NPEPPS: variants seen among roughly 807,000 people sequenced by gnomAD.
NPEPPS encodes the protein aminopeptidase puromycin sensitive.
NPEPPS carries 14 observed loss-of-function variants against 115.5 expected under a neutral mutation model. The observed-to-expected ratio is 0.12, with a 90% CI of 0.08 to 0.19. NPEPPS has a LOEUF of 0.19. Among genes scored for constraint, NPEPPS ranks in the 10% least tolerant of loss-of-function variants. The pLI is 1.00. For missense variants in NPEPPS, 523 were observed against 1,110.8 expected (o/e 0.47, Z 7.52); for synonymous variants, 285 against 390.6 (o/e 0.73, Z 3.19).
chr17:47,577,620 A>T (rs1911597066), intron 3 of NPEPPS, among the ~76,000 whole-genome samples: 1 of 152,210 alleles, frequency 6.6e-6, no homozygotes, highest in Non-Finnish European at 1.5e-5. Context: ...ATTTACAAAC[A>T]TCTGATTTTT....
chr17:47,596,198 G>A (rs1003299220), intron 12 of NPEPPS, 155 bp from the exon 13 acceptor site: 18 of 529,796 alleles, frequency 3.4e-5, no homozygotes, highest in Non-Finnish European at 5.8e-5. Flanking sequence ...TTGCAGAAGA[G>A]GGGTGGCAAG....
chr17:47,573,098 C>T (rs796138241), intron 3 of NPEPPS, among the ~76,000 whole-genome samples: 14 of 152,270 alleles, frequency 9.2e-5, no homozygotes, highest in African/African-American at 2.9e-4. Flanking sequence ...TTCAAAAAGA[C>T]AGGAACATTT....
intron 13 of NPEPPS, among the ~76,000 whole-genome samples, chr17:47,599,411 A>G (rs1913055350): frequency 1.3e-5 from 2 of 152,250 alleles, no homozygotes; most frequent in African/African-American, 4.8e-5. Flanking sequence ...GTGGTAACTA[A>G]TAAATGACAC....
chr17:47,578,201 CAAAA>C (rs1333262458), intron 3 of NPEPPS, among the ~76,000 whole-genome samples: 1 of 84,328 alleles, frequency 1.2e-5, no homozygotes. Flanking sequence ...GCCTCTGTCT[CAAAA>C]AAAAAAAAAA....
chr17:47,566,453 C>T (rs906200630), intron 2 of NPEPPS, among the ~76,000 whole-genome samples: 1 of 149,000 alleles, frequency 6.7e-6, no homozygotes, highest in East Asian at 2.0e-4. Context: ...TTAAGTCTTG[C>T]CATTTTTAAA....
At chr17:47,601,503 C>A in intron 14 of NPEPPS, 105 bp from the exon 15 acceptor site, 1 of 1,201,478 alleles carries the variant, frequency 8.3e-7, no homozygotes, top group Non-Finnish European at 1.2e-6. Flanking sequence ...GAACTATTGA[C>A]TTAACAGTTT....
chr17:47,576,353 C>T (rs1352117749), intron 3 of NPEPPS, among the ~76,000 whole-genome samples: 3 of 152,068 alleles, frequency 2.0e-5, no homozygotes, highest in Admixed American at 6.6e-5. Context: ...TTAGTCAGGC[C>T]TGGTGGCGCA....
chr17:47,532,048 C>T (rs1353574733), intron 1 of NPEPPS, among the ~76,000 whole-genome samples: 1 of 151,908 alleles, frequency 6.6e-6, no homozygotes, highest in Non-Finnish European at 1.5e-5. Flanking sequence ...ATTTGGGACT[C>T]TGGCCGCCGC....
At chr17:47,538,038 C>A (rs561619775) in intron 1 of NPEPPS, among the ~76,000 whole-genome samples, 200 of 150,478 alleles carry the variant, frequency 1.3e-3, no homozygotes, top group Middle Eastern at 3.4e-3. Context: ...GGATTACAGG[C>A]ATGCACCACC....
chr17:47,551,396 C>CT (rs1226914707), intron 2 of NPEPPS, among the ~76,000 whole-genome samples: 1 of 150,984 alleles, frequency 6.6e-6, no homozygotes, highest in Admixed American at 6.6e-5. Flanking sequence ...TTTATTTGAA[C>CT]TTTTTACCCC....
intron 12 of NPEPPS, among the ~76,000 whole-genome samples, chr17:47,595,696 T>C (rs890117411): frequency 6.6e-5 from 10 of 150,454 alleles, no homozygotes; most frequent in African/African-American, 2.4e-4. Flanking sequence ...TTGCAAGAAA[T>C]TATGGGCCAG....
intron 2 of NPEPPS, among the ~76,000 whole-genome samples, chr17:47,554,044 CTT>C (rs113155660): frequency 2.9e-4 from 42 of 144,694 alleles, no homozygotes; most frequent in Admixed American, 3.5e-4. Context: ...GCCACAGTAT[CTT>C]TTTTTTTTTT....
intron 3 of NPEPPS, among the ~76,000 whole-genome samples, chr17:47,573,688 C>T (rs1002978169): frequency 1.8e-4 from 28 of 152,098 alleles, no homozygotes; most frequent in African/African-American, 6.8e-4. Context: ...CCACTGCCCT[C>T]GCGCCTGGGC....
At position 47,591,731 on chromosome 17, in the gene NPEPPS, AG is replaced by A. The variant is rs1248535731; in HGVS notation, c.1261-224del. On this transcript the variant is annotated intron_variant, in intron 10 of 22. Coordinates refer to ENST00000322157, the MANE Select transcript of NPEPPS (RefSeq NM_006310.4). ...AGTGGCTTCTTTCCCAGCAGAACAA[AG>A]CCAGGACTGGAACCCAGGCTCTAAG... 2.8e-5 allele frequency: 12 copies of A among 426,498 alleles called. No homozygotes were observed. In the South Asian group the frequency reaches 4.9e-4, roughly 17 times the overall value. 26.4% of individuals were successfully genotyped at this position (426,498 alleles called of 1,614,324 possible).
rs1410066987 is a variant in NPEPPS at position 47,592,408 on chromosome 17, T to C, written c.1366-77T>C. The C allele has an allele frequency of 5.5e-6, 8 of 1,463,694 alleles. No homozygotes were observed. The East Asian group carries it at 2.0e-4, about 37-fold the overall frequency. The allele number at this position is 1,463,694 out of a possible 1,614,324, so 90.7% of individuals were successfully genotyped here. Reference sequence around the variant, plus strand: ...ACTTGAGTATTTGAGTAAATTTGTTTTTGATTACTGATATACAAATATACT... The same window carrying C: ...ACTTGAGTATTTGAGTAAATTTGTTCTTGATTACTGATATACAAATATACT... On this transcript the variant is annotated intron_variant, in intron 11 of 22. Coordinates refer to ENST00000322157, the MANE Select transcript of NPEPPS (RefSeq NM_006310.4).
chr17:47,554,242 G>A (rs1219988856), intron 2 of NPEPPS, among the ~76,000 whole-genome samples: 5 of 152,056 alleles, frequency 3.3e-5, no homozygotes, highest in Admixed American at 2.6e-4. Flanking sequence ...GTTTCTCCAT[G>A]TTGGTCAGGC....
At chr17:47,567,193 A>ACCATTAACT (rs1235423028) in intron 2 of NPEPPS, among the ~76,000 whole-genome samples, 2 of 152,334 alleles carry the variant, frequency 1.3e-5, no homozygotes, top group East Asian at 3.9e-4. Context: ...CATTTGACAA[A>ACCATTAACT]CCATTAACTT....
At chr17:47,601,897 TC>T in intron 15 of NPEPPS, 150 bp downstream of exon 15, 1 of 754,404 alleles carries the variant, frequency 1.3e-6, no homozygotes, top group Non-Finnish European at 2.1e-6. Flanking sequence ...TATAGTATTG[TC>T]CAGACATTTG....
At chr17:47,608,242 G>T (rs908377549) in intron 17 of NPEPPS, among the ~76,000 whole-genome samples, 3 of 152,122 alleles carry the variant, frequency 2.0e-5, no homozygotes, top group African/African-American at 7.2e-5. Context: ...AACATCTGAG[G>T]TCAGGAGTTT....
Sources: allele counts gnomAD v4.1 joint callset (sites outside exome capture counted in the v4.1 genomes callset), GRCh38; gene constraint gnomAD v4.1.1; transcripts MANE v1.5; gene names NCBI Gene and HGNC (gene_info 2026-07-23, HGNC 2026-07-21).